HPSE2: variants seen among roughly 807,000 people sequenced by gnomAD.
HPSE2 encodes heparanase 2 (inactive).
A neutral mutation model predicts 60.5 loss-of-function variants in HPSE2; 38 were observed. The observed-to-expected ratio is 0.63, with a 90% CI of 0.48 to 0.82. The LOEUF is 0.82. HPSE2 is among the 40% of genes least tolerant of loss of function. The pLI, the probability that HPSE2 is intolerant of heterozygous loss-of-function variation, is 0.00. For synonymous variants in HPSE2, 295 were observed against 293.2 expected (o/e 1.01, Z -0.06); for missense variants, 713 against 740.4 (o/e 0.96, Z 0.43).
chr10:99,019,839 G>A (rs1040954622), intron 3 of HPSE2, among the ~76,000 whole-genome samples: 4 of 151,526 alleles, frequency 2.6e-5, no homozygotes, highest in Admixed American at 2.6e-4. Flanking sequence ...AGCTTCCCTA[G>A]TAGCTGAGAT....
chr10:98,878,243 T>C (rs1029623826), intron 3 of HPSE2, among the ~76,000 whole-genome samples: 3 of 151,980 alleles, frequency 2.0e-5, no homozygotes, highest in African/African-American at 7.2e-5. Context: ...ATGTACAGAA[T>C]GCTATAGGAG....
At chr10:99,152,905 G>T (rs902106282) in intron 2 of HPSE2, among the ~76,000 whole-genome samples, 1 of 152,224 alleles carries the variant, frequency 6.6e-6, no homozygotes. Flanking sequence ...CATCGTGCGC[G>T]AGCCGAAGCA....
chr10:98,782,916 T>TTTTA (rs1565160247), intron 3 of HPSE2, among the ~76,000 whole-genome samples: 13 of 118,084 alleles, frequency 1.1e-4, no homozygotes, highest in South Asian at 2.7e-4. Context: ...TTGTTTATTT[T>TTTTA]TTTTTTTTTA....
At chr10:98,548,625 A>G (rs1943767230) in intron 9 of HPSE2, among the ~76,000 whole-genome samples, 2 of 152,082 alleles carry the variant, frequency 1.3e-5, no homozygotes, top group Admixed American at 1.3e-4. Flanking sequence ...TCAAAAAAAA[A>G]AAAAAGAAAT....
chr10:99,160,052 A>C (rs901549046), intron 2 of HPSE2, among the ~76,000 whole-genome samples: 1 of 151,916 alleles, frequency 6.6e-6, no homozygotes, highest in African/African-American at 2.4e-5. Context: ...GAAGCACAAG[A>C]ATCACTTGAA....
At chr10:99,123,406 T>C (rs998183559) in intron 3 of HPSE2, among the ~76,000 whole-genome samples, 18 of 152,210 alleles carry the variant, frequency 1.2e-4, no homozygotes, top group African/African-American at 4.3e-4. Context: ...TTTTAGCTGC[T>C]AGACTGAAAA....
chr10:99,205,060 T>C (rs748164810), intron 2 of HPSE2, among the ~76,000 whole-genome samples: 1 of 152,074 alleles, frequency 6.6e-6, no homozygotes, highest in Non-Finnish European at 1.5e-5. Context: ...GTCATAAAGA[T>C]GTAAATAATA....
At chr10:98,876,506 A>C (rs1236644456) in intron 3 of HPSE2, among the ~76,000 whole-genome samples, 1 of 151,958 alleles carries the variant, frequency 6.6e-6, no homozygotes, top group Non-Finnish European at 1.5e-5. Context: ...TGATGAATTA[A>C]TGCATTTAAC....
chr10:98,551,795 CAA>C (rs1943871944), intron 9 of HPSE2, among the ~76,000 whole-genome samples: 1 of 152,130 alleles, frequency 6.6e-6, no homozygotes, highest in South Asian at 2.1e-4. Flanking sequence ...TGCTTACAAC[CAA>C]AGTATCCTAA....
chr10:99,006,436 T>C (rs947920287), intron 3 of HPSE2, among the ~76,000 whole-genome samples: 1 of 152,174 alleles, frequency 6.6e-6, no homozygotes, highest in Non-Finnish European at 1.5e-5. Flanking sequence ...TTGTATCTGA[T>C]GCCAGAGGCT....
intron 3 of HPSE2, among the ~76,000 whole-genome samples, chr10:99,138,683 G>A (rs781361237): frequency 6.6e-6 from 1 of 152,164 alleles, no homozygotes; most frequent in Non-Finnish European, 1.5e-5. Context: ...ATAAGTGGGA[G>A]TTGAACAATG....
intron 3 of HPSE2, among the ~76,000 whole-genome samples, chr10:99,096,192 C>G (rs1843712352): frequency 6.6e-6 from 1 of 152,112 alleles, no homozygotes; most frequent in Admixed American, 6.5e-5. Flanking sequence ...TATTTTTCCT[C>G]TTCATTAAAA....
Position 99,020,455 on chromosome 10 carries a change from C to T in HPSE2, c.610+123783G>A, listed in dbSNP as rs548117523. 2.6e-4 allele frequency among the ~76,000 whole-genome samples: 40 copies of T among 152,306 alleles called. No homozygotes were observed. In the South Asian group the frequency reaches 8.1e-3, roughly 31 times the overall value. On this transcript the variant is annotated intron_variant, in intron 3 of 11. Coordinates refer to ENST00000370552, the MANE Select transcript of HPSE2 (RefSeq NM_021828.5). ...GCTCCCAGCCCAGTTCTCTTTTACTCTGTATCCTAGTGCATTTCAGTGTGC... is the reference window on the plus strand; with the variant it reads ...GCTCCCAGCCCAGTTCTCTTTTACTTTGTATCCTAGTGCATTTCAGTGTGC...
intron 3 of HPSE2, among the ~76,000 whole-genome samples, chr10:99,007,123 G>A (rs1333249755): frequency 1.3e-5 from 2 of 152,202 alleles, no homozygotes; most frequent in African/African-American, 4.8e-5. Context: ...GCCTAGCACT[G>A]TGGGGATCAA....
upstream of HPSE2, among the ~76,000 whole-genome samples, chr10:99,237,462 A>G (rs1179968068): frequency 6.6e-6 from 1 of 152,184 alleles, no homozygotes; most frequent in Non-Finnish European, 1.5e-5. Context: ...ATGACCTTCA[A>G]CTGAAGTTCC....
At position 98,936,480 on chromosome 10, in the gene HPSE2, G is replaced by A. The variant is rs1564669940; in HGVS notation, c.611-192424C>T. Among the ~76,000 whole-genome samples, 7 of 143,302 alleles carry A rather than the reference G, an allele frequency of 4.9e-5. 1 individual carries two copies. The South Asian group carries it at 1.1e-3, about 22-fold the overall frequency. 94.0% of individuals were successfully genotyped at this position (143,302 alleles called of 152,430 possible). On this transcript the variant is annotated intron_variant, in intron 3 of 11. Coordinates refer to ENST00000370552, the MANE Select transcript of HPSE2 (RefSeq NM_021828.5). ...CAGATAGCAAAAATCTTTGGGAAAAGCATAGTACCCCCAGTGGGTAGCACA... is the reference window on the plus strand; with the variant it reads ...CAGATAGCAAAAATCTTTGGGAAAAACATAGTACCCCCAGTGGGTAGCACA...
At chr10:98,594,889 A>T (rs1440692173) in intron 9 of HPSE2, among the ~76,000 whole-genome samples, 1 of 152,200 alleles carries the variant, frequency 6.6e-6, no homozygotes, top group African/African-American at 2.4e-5. Context: ...ACTGTTTTCC[A>T]ATAATGACTG....
upstream of HPSE2, among the ~76,000 whole-genome samples, chr10:99,239,156 T>C (rs1253269020): frequency 6.6e-6 from 1 of 151,812 alleles, no homozygotes; most frequent in East Asian, 1.9e-4. Context: ...CAAGACTCTG[T>C]CTCAAAAAAA....
At chr10:98,696,508 C>T (rs1948222211) in intron 5 of HPSE2, among the ~76,000 whole-genome samples, 1 of 152,108 alleles carries the variant, frequency 6.6e-6, no homozygotes, top group South Asian at 2.1e-4. Context: ...AGTGTGCTAC[C>T]CAGCCTGGGA....
Sources: allele counts gnomAD v4.1 joint callset (sites outside exome capture counted in the v4.1 genomes callset), GRCh38; gene constraint gnomAD v4.1.1; transcripts MANE v1.5; gene names NCBI Gene and HGNC (gene_info 2026-07-23, HGNC 2026-07-21).